Variants in ABLIM2 observed in about 807,000 individuals in gnomAD.
ABLIM2 encodes the protein actin binding LIM protein family member 2, also known as actin-binding LIM protein 2.
Under a neutral mutation model 97.7 loss-of-function variants are expected in ABLIM2, and 53 were observed. The ratio of observed to expected loss-of-function variants is 0.54; its 90% CI spans 0.44 to 0.68. ABLIM2 has a LOEUF of 0.68. Ranked by LOEUF, ABLIM2 falls within the 30% of genes least tolerant of loss-of-function variation. The pLI is 0.00. For synonymous variants in ABLIM2, 361 were observed against 345.8 expected (o/e 1.04, Z -0.49); for missense variants, 835 against 867.2 (o/e 0.96, Z 0.47).
chr4:8,107,754 C>A (rs1838193649), intron 1 of ABLIM2, among the ~76,000 whole-genome samples: 1 of 152,208 alleles, frequency 6.6e-6, no homozygotes, highest in Non-Finnish European at 1.5e-5. Flanking sequence ...TCTGACATGG[C>A]CAGAGGGGCT....
Position 8,037,614 on chromosome 4 carries a change from C to T in ABLIM2, c.901-1319G>A, listed in dbSNP as rs564796248. On this transcript the variant is annotated intron_variant, in intron 9 of 20. Transcript: ENST00000447017. The stretch of plus-strand genomic sequence containing the variant: ...CCAGATTCACCCACAAACGTGCATG[C>T]ACATCTGCCCACACATACTTGCACA... Among the ~76,000 whole-genome samples, 29 of 152,248 alleles carry T rather than the reference C, an allele frequency of 1.9e-4. No homozygotes were observed. In the South Asian group the frequency reaches 5.8e-3, roughly 30 times the overall value.
rs749173286 is a variant in ABLIM2 at position 8,045,231 on chromosome 4, G to C, written c.833C>G (p.Thr278Ser). ...GACAGAAATGATGCTCTCTGAGGAAGTTCTGGTTTCCTGAGAAAGGAGAGA... is the reference window on the plus strand; with the variant it reads ...GACAGAAATGATGCTCTCTGAGGAACTTCTGGTTTCCTGAGAAAGGAGAGA... Reference protein sequence around the residue: ...RTEDRNKETRTSSESIISVPA... With the variant: ...RTEDRNKETRSSSESIISVPA... Residue 278 changes from threonine (T) to serine (S), a missense_variant, in exon 9 of 21, where the codon ACT (threonine) becomes AGT (serine). Physicochemically the swap from Thr to Ser is moderately conservative, Grantham distance 58. Transcript: ENST00000447017. 1.2e-6 allele frequency: 2 copies of C among 1,613,866 alleles called. No homozygotes were observed. The highest frequency in any genetic ancestry group is 1.7e-6 in the Non-Finnish European group (2 of 1,179,718).
chr4:8,058,459 A>G lies in ABLIM2; in HGVS notation c.763+2508T>C, dbSNP rs927135978. Among the ~76,000 whole-genome samples the G allele has an allele frequency of 6.6e-6, 1 of 152,236 alleles. No homozygotes were observed. Among genetic ancestry groups the G allele is most frequent in the Non-Finnish European group, 1.5e-5 (1 of 68,040 alleles). ...GCACCTGCACGGCAGACGCTCTGAC[A>G]GCAGCTCTCCCAGACCTGGCCGGGC... is the stretch of plus-strand genomic sequence containing the variant. On this transcript the variant is annotated intron_variant, in intron 7 of 20. Coordinates refer to ENST00000447017, the MANE Select transcript of ABLIM2 (RefSeq NM_001130083.2). The surrounding 1 kb of genome is among the most constrained non-coding windows in gnomAD (Gnocchi z 4.2).
intron 1 of ABLIM2, among the ~76,000 whole-genome samples, chr4:8,110,790 C>G (rs1440898131): frequency 3.3e-5 from 5 of 152,206 alleles, no homozygotes; most frequent in African/African-American, 1.2e-4. Flanking sequence ...AGGCGCTGCC[C>G]TCTCGCGATG....
At chr4:8,062,195 C>T (rs1460662706) in intron 6 of ABLIM2, among the ~76,000 whole-genome samples, 1 of 152,198 alleles carries the variant, frequency 6.6e-6, no homozygotes, top group Non-Finnish European at 1.5e-5. Context: ...TGAACCCTTC[C>T]CCAATCTGGG....
At position 8,045,234 on chromosome 4, in the gene ABLIM2, C is replaced by G. The variant is rs1169322299; in HGVS notation, c.830G>C (p.Arg277Thr). The change falls in exon 9 of 21, where the codon AGA becomes ACA. Residue 277 changes from arginine to threonine, a missense_variant. Coordinates refer to ENST00000447017, the MANE Select transcript of ABLIM2 (RefSeq NM_001130083.2). Reference sequence around the variant, plus strand: ...AGAAATGATGCTCTCTGAGGAAGTTCTGGTTTCCTGAGAAAGGAGAGAGGA... The same window carrying G: ...AGAAATGATGCTCTCTGAGGAAGTTGTGGTTTCCTGAGAAAGGAGAGAGGA... ...ARTEDRNKETRTSSESIISVP... is the reference protein window; with the variant it reads ...ARTEDRNKETTTSSESIISVP... The G allele has an allele frequency of 6.2e-7, 1 of 1,613,806 alleles. No individual in the cohort carries two copies. Among genetic ancestry groups the G allele is most frequent in the Non-Finnish European group, 8.5e-7 (1 of 1,179,678 alleles).
At chr4:8,048,320 C>T (rs561947816) in intron 8 of ABLIM2, among the ~76,000 whole-genome samples, 2 of 152,352 alleles carry the variant, frequency 1.3e-5, no homozygotes, top group South Asian at 2.1e-4. Context: ...CCAGTACAAG[C>T]GCCTTGTTCA....
rs1723502361 is a variant in ABLIM2 at position 7,967,158 on chromosome 4, C to T, written c.1825-55G>A. ...CCAGTTAGCCACGCAGCAAGGGACA[C>T]CATTGGGCAGTTTGCTGCCGCCAAG... On this transcript the variant is annotated intron_variant, in intron 20 of 20. Coordinates refer to ENST00000447017, the MANE Select transcript of ABLIM2 (RefSeq NM_001130083.2). 2.2e-5 allele frequency: 33 copies of T among 1,469,186 alleles called. No individual in the cohort carries two copies. In the South Asian group the frequency reaches 2.7e-4, roughly 12 times the overall value. 91.0% of individuals were successfully genotyped at this position (1,469,186 alleles called of 1,614,324 possible).
intron 17 of ABLIM2, among the ~76,000 whole-genome samples, chr4:7,989,072 CTTTT>C (rs71175445): frequency 3.7e-5 from 3 of 81,358 alleles, no homozygotes; most frequent in South Asian, 4.9e-4. Context: ...ACACATTAGT[CTTTT>C]TTTTTTTTTT....
rs181881904 is a variant in ABLIM2 at position 8,037,851 on chromosome 4, G to A, written c.901-1556C>T. On this transcript the variant is annotated intron_variant, in intron 9 of 20. Coordinates refer to ENST00000447017, the MANE Select transcript of ABLIM2 (RefSeq NM_001130083.2). ...GCTCCTGCCCTTGCTGAATGAATGC[G>A]GGACGCTGGGAGAACCCCTGTGTTT... 9.3e-4 allele frequency among the ~76,000 whole-genome samples: 142 copies of A among 152,342 alleles called. 1 individual carries two copies. Among genetic ancestry groups the A allele is most frequent in the Admixed American group, 2.5e-3 (39 of 15,310 alleles).
intron 1 of ABLIM2, among the ~76,000 whole-genome samples, chr4:8,114,559 G>T (rs977174782): frequency 2.6e-5 from 4 of 152,082 alleles, no homozygotes; most frequent in African/African-American, 9.7e-5. Flanking sequence ...GATCACAGGC[G>T]GGCACTTCCT....
chr4:8,096,931 T>C (rs1048439944), intron 3 of ABLIM2, among the ~76,000 whole-genome samples, 168 bp downstream of exon 3: 3 of 151,984 alleles, frequency 2.0e-5, no homozygotes, highest in Non-Finnish European at 1.5e-5. Flanking sequence ...GAGGCCTCTG[T>C]ATGCACCAAG....
chr4:7,979,451 T>A (rs1448258385), intron 20 of ABLIM2, among the ~76,000 whole-genome samples: 2 of 152,240 alleles, frequency 1.3e-5, no homozygotes, highest in East Asian at 3.8e-4. Context: ...AACAAGTTGC[T>A]GTTCAAAATC....
At position 7,992,457 on chromosome 4, in the gene ABLIM2, C is replaced by G. The variant is rs17771976; in HGVS notation, c.1680+409G>C. Among the ~76,000 whole-genome samples, 6 of 152,052 alleles carry G rather than the reference C, an allele frequency of 3.9e-5. No homozygotes were observed. The highest frequency in any genetic ancestry group is 8.8e-5 in the Non-Finnish European group (6 of 68,002). On this transcript the variant is annotated intron_variant, in intron 17 of 20. Coordinates refer to ENST00000447017, the MANE Select transcript of ABLIM2 (RefSeq NM_001130083.2). This position sits in a 1 kb window ranked among gnomAD's most constrained non-coding sequence, Gnocchi z 5.7. ...ATAGCAGGGAAGGCCAGGGCATCCC[C>G]GAGAAGGAGGTGGGCACTTGGCTCA...
chr4:8,036,907 C>G (rs1784824820), intron 9 of ABLIM2, among the ~76,000 whole-genome samples: 1 of 151,874 alleles, frequency 6.6e-6, no homozygotes, highest in African/African-American at 2.4e-5. Flanking sequence ...CCTTACTATT[C>G]ATGTGGGATT....
In ABLIM2 at chr4:8,124,354, C is replaced by T. The variant is rs900208778; in HGVS notation, c.11-17717G>A. 6.6e-6 allele frequency among the ~76,000 whole-genome samples: 1 copy of T among 152,192 alleles called. No homozygotes were observed. Among genetic ancestry groups the T allele is most frequent in the African/African-American group, 2.4e-5 (1 of 41,454 alleles). ...TTTCACAGAGCTGCGTGCTGATCAC[C>T]ATAATCCATTTTAGAAAATTTCCAT... On this transcript the variant is annotated intron_variant, in intron 1 of 20. Coordinates refer to ENST00000447017, the MANE Select transcript of ABLIM2 (RefSeq NM_001130083.2). This position sits in a 1 kb window ranked among gnomAD's most constrained non-coding sequence, Gnocchi z 6.1.
At chr4:7,991,227 A>T (rs1019193377) in intron 17 of ABLIM2, among the ~76,000 whole-genome samples, 1 of 152,210 alleles carries the variant, frequency 6.6e-6, no homozygotes, top group Non-Finnish European at 1.5e-5. Flanking sequence ...GAGAGGCATC[A>T]ATTTGCATCA....
chr4:8,136,147 A>G (rs1156728567), intron 1 of ABLIM2, among the ~76,000 whole-genome samples: 1 of 152,236 alleles, frequency 6.6e-6, no homozygotes, highest in Non-Finnish European at 1.5e-5. Context: ...ATCCCGACAG[A>G]GGCTACAGCA....
intron 11 of ABLIM2, among the ~76,000 whole-genome samples, chr4:8,028,243 C>T (rs1446752445): frequency 6.6e-6 from 1 of 152,244 alleles, no homozygotes; most frequent in African/African-American, 2.4e-5. Flanking sequence ...GAGATGCAAG[C>T]TTGGCTCTTG....
Sources: gnomAD v4.1 joint callset for allele counts (sites outside exome capture counted in the v4.1 genomes callset) on GRCh38, gnomAD v4.1.1 for gene constraint, Gnocchi (gnomAD v3.1) non-coding constraint, MANE v1.5 for transcripts, NCBI Gene and HGNC (gene_info 2026-07-23, HGNC 2026-07-21) for gene names.